SLC25A28: variants seen among roughly 807,000 people sequenced by gnomAD.
SLC25A28 encodes the protein solute carrier family 25 member 28, also known as mitoferrin-2.
Under a neutral mutation model 31.9 loss-of-function variants are expected in SLC25A28, and 10 were observed. That is an observed-to-expected ratio of 0.31 (90% CI 0.19 to 0.53). The LOEUF (loss-of-function observed/expected upper bound fraction) is 0.53. Ranked by LOEUF, SLC25A28 falls within the 20% of genes least tolerant of loss-of-function variation. The pLI is 0.95. For synonymous variants in SLC25A28, 208 were observed against 203.6 expected, an observed-to-expected ratio of 1.02 and a Z score of -0.19; for missense variants, 256 against 490.3, an observed-to-expected ratio of 0.52 and a Z score of 4.51.
chr10:99,652,535 T>C, the SLC25A28 span, among the ~76,000 whole-genome samples: 1 of 152,122 alleles, frequency 6.6e-6, no homozygotes, highest in Non-Finnish European at 1.5e-5. Context: ...TTTTGCCCAA[T>C]ACCTCAGGCC....
chr10:99,651,770 T>A, the SLC25A28 span, among the ~76,000 whole-genome samples: 1 of 151,938 alleles, frequency 6.6e-6, no homozygotes, highest in Non-Finnish European at 1.5e-5. Context: ...TTTTTATTTT[T>A]AAACTTTTTT....
At chr10:99,645,108 T>C in the SLC25A28 span, among the ~76,000 whole-genome samples, 2 of 152,212 alleles carry the variant, frequency 1.3e-5, no homozygotes, top group Admixed American at 1.3e-4. Flanking sequence ...CCTGCCTTGC[T>C]AGGTTGGGGA....
chr10:99,636,724 C>T, the SLC25A28 span, among the ~76,000 whole-genome samples: 1 of 152,048 alleles, frequency 6.6e-6, no homozygotes, highest in Non-Finnish European at 1.5e-5. Flanking sequence ...AAATATAACC[C>T]CTAGCTTAAG....
chr10:99,635,697 C>G, the SLC25A28 span, among the ~76,000 whole-genome samples: 2 of 150,132 alleles, frequency 1.3e-5, no homozygotes, highest in African/African-American at 4.9e-5. Context: ...AAGAGCTCAC[C>G]AACCAACTAT....
the SLC25A28 span, among the ~76,000 whole-genome samples, chr10:99,632,951 A>G: frequency 6.6e-6 from 1 of 152,236 alleles, no homozygotes; most frequent in African/African-American, 2.4e-5. Context: ...AAATAACATA[A>G]GGGTCTATCA....
chr10:99,625,156 G>A (rs10883386), upstream of SLC25A28, among the ~76,000 whole-genome samples: 1,923 of 11,150 alleles, frequency 0.17, 72 homozygotes, highest in Middle Eastern at 0.25. Flanking sequence ...CTTTGCAGTG[G>A]GTGTTATAGC....
At chr10:99,626,105 G>A in the SLC25A28 span, among the ~76,000 whole-genome samples, 1 of 152,132 alleles carries the variant, frequency 6.6e-6, no homozygotes, top group African/African-American at 2.4e-5. Context: ...CTACTGCTGC[G>A]TCCGGCTTAC....
chr10:99,657,557 C>G, the SLC25A28 span, among the ~76,000 whole-genome samples: 1 of 151,908 alleles, frequency 6.6e-6, no homozygotes, highest in Non-Finnish European at 1.5e-5. Flanking sequence ...GGAAGTTCAA[C>G]AAGGTTAGGA....
At chr10:99,639,720 G>A in the SLC25A28 span, among the ~76,000 whole-genome samples, 1 of 36,588 alleles carries the variant, frequency 2.7e-5, no homozygotes, top group African/African-American at 1.2e-4. Context: ...CAGCACCATG[G>A]GTACACACAC....
chr10:99,618,656 T>C (rs1427497860), intron 1 of SLC25A28: 2 of 985,466 alleles, frequency 2.0e-6, no homozygotes, highest in African/African-American at 3.5e-5. Flanking sequence ...CATTCTAATG[T>C]CCATTTTAGT....
Position 99,620,365 on chromosome 10 carries a change from C to CGCCGCCGCTGCCACCACT in SLC25A28, c.-48_-31dup. 5 of 1,104,554 alleles carry CGCCGCCGCTGCCACCACT rather than the reference C, an allele frequency of 4.5e-6. No individual in the cohort carries two copies. Among genetic ancestry groups the CGCCGCCGCTGCCACCACT allele is most frequent in the Non-Finnish European group, 5.5e-6 (5 of 907,186 alleles). The allele number at this position is 1,104,554 out of a possible 1,614,324, so 68.4% of individuals were successfully genotyped here. A position where few individuals can be genotyped will look rare whatever the true frequency, so the allele number is the denominator to read the frequency against. ...CCGGGCCAGCTGCGGCGCCCACCCC[C>CGCCGCCGCTGCCACCACT]GCCGCCGCTGCCACCACTGCCGCCG... On this transcript the variant is annotated 5_prime_UTR_variant, in exon 1 of 4. Transcript: ENST00000370495.
the SLC25A28 span, among the ~76,000 whole-genome samples, chr10:99,633,884 C>T: frequency 6.6e-6 from 1 of 152,134 alleles, no homozygotes; most frequent in Non-Finnish European, 1.5e-5. Context: ...GCTAAGAATC[C>T]TCACAGAGTC....
rs536924618 is a variant in SLC25A28, at chr10:99,620,432, G to A, written c.-97C>T. 4.5e-5 allele frequency: 47 copies of A among 1,044,266 alleles called. No homozygotes were observed. The South Asian group carries it at 1.8e-3, about 39-fold the overall frequency. The allele number at this position is 1,044,266 out of a possible 1,614,324, so 64.7% of individuals were successfully genotyped here. A position where few individuals can be genotyped will look rare whatever the true frequency, so the allele number is the denominator to read the frequency against. ...TAGTGTCCGCCTCAGGCGCGGCCCA[G>A]AGAGCCCGGGGCCTCCGGCTCCCGC... On this transcript the variant is annotated 5_prime_UTR_variant, in exon 1 of 4. Coordinates refer to ENST00000370495, the MANE Select transcript of SLC25A28 (RefSeq NM_031212.4).
chr10:99,637,075 CAA>C, the SLC25A28 span, among the ~76,000 whole-genome samples: 19 of 152,114 alleles, frequency 1.2e-4, no homozygotes, highest in African/African-American at 4.6e-4. Flanking sequence ...AACAACATAT[CAA>C]AAAGATAATA....
At chr10:99,619,561 T>G (rs1174274678) in intron 1 of SLC25A28, among the ~76,000 whole-genome samples, 1 of 152,228 alleles carries the variant, frequency 6.6e-6, no homozygotes, top group African/African-American at 2.4e-5. Context: ...AAGTCCTTTA[T>G]CTAGCTGAGA....
the SLC25A28 span, among the ~76,000 whole-genome samples, chr10:99,637,956 T>C: frequency 2.0e-5 from 3 of 152,090 alleles, no homozygotes; most frequent in Non-Finnish European, 4.4e-5. Flanking sequence ...ATTCTAAAAT[T>C]CATATGGAAC....
chr10:99,654,068 A>G, the SLC25A28 span, among the ~76,000 whole-genome samples: 1 of 152,214 alleles, frequency 6.6e-6, no homozygotes, highest in African/African-American at 2.4e-5. Context: ...ATGCAGAGTA[A>G]AAGCAAGTAA....
chr10:99,620,044 C>T lies in SLC25A28; in HGVS notation c.291+1G>A. Reference sequence around the variant, plus strand: ...GGTTCGAAGCCGGGTGCAGGTCTCACCTTGACGCAGTCGATGGGGTACATC... The same window carrying T: ...GGTTCGAAGCCGGGTGCAGGTCTCATCTTGACGCAGTCGATGGGGTACATC... On this transcript the variant is annotated splice_donor_variant, in intron 1 of 3. Coordinates refer to ENST00000370495, the MANE Select transcript of SLC25A28 (RefSeq NM_031212.4). LOFTEE classifies it high-confidence loss of function. 1 of 1,578,040 alleles carries T rather than the reference C, an allele frequency of 6.3e-7. No individual in the cohort carries two copies. Among genetic ancestry groups the T allele is most frequent in the Non-Finnish European group, 8.6e-7 (1 of 1,169,326 alleles).
chr10:99,620,213 G>A lies in SLC25A28; in HGVS notation c.123C>T (p.Ala41=). The A allele has an allele frequency of 1.5e-6, 2 of 1,324,678 alleles. No homozygotes were observed. Among genetic ancestry groups the A allele is most frequent in the Non-Finnish European group, 1.9e-6 (2 of 1,034,700 alleles). 82.1% of individuals were successfully genotyped at this position (1,324,678 alleles called of 1,614,324 possible). A position where few individuals can be genotyped will look rare whatever the true frequency, so the allele number is the denominator to read the frequency against. The change falls in exon 1 of 4, where the codon GCC becomes GCT. Residue 41 remains alanine, a synonymous_variant. Transcript: ENST00000370495. ...TGCAGGCCCCGGCCTCCCCGCCGCCGGCCCCCCGGCCCACGCCCCGCTGCA... is the reference window on the plus strand; with the variant it reads ...TGCAGGCCCCGGCCTCCCCGCCGCCAGCCCCCCGGCCCACGCCCCGCTGCA... The part of the protein sequence containing the change: ...GWLQRGVGRG[A]GGGEAGACRP...
Sources: gnomAD v4.1 joint callset for allele counts (sites outside exome capture counted in the v4.1 genomes callset) on GRCh38, gnomAD v4.1.1 for gene constraint, MANE v1.5 for transcripts, NCBI Gene and HGNC (gene_info 2026-07-23, HGNC 2026-07-21) for gene names.